The following PKHD1L1 variants were observed in gnomAD, a reference collection of about 807,000 sequenced individuals.
PKHD1L1 encodes the protein fibrocystin-L.
PKHD1L1 carries 434 observed loss-of-function variants against 462.9 expected under a neutral mutation model. The ratio of observed to expected loss-of-function variants is 0.94; its 90% confidence interval spans 0.87 to 1.02. PKHD1L1 has a LOEUF of 1.02. PKHD1L1 is among the 50% of genes least tolerant of loss of function. PKHD1L1 has a pLI of 0.00. For synonymous variants in PKHD1L1, 1,781 were observed against 1,750.0 expected, an observed-to-expected ratio of 1.02 and a Z score of -0.44; for missense variants, 5,202 against 5,096.1, an observed-to-expected ratio of 1.02 and a Z score of -0.63.
chr8:109,411,591 G>A (rs73319415), intron 19 of PKHD1L1, among the ~76,000 whole-genome samples: 5,229 of 152,114 alleles, frequency 0.034, 314 homozygotes, highest in African/African-American at 0.12. Context: ...ACCCTCACAT[G>A]CATTTCCATG....
At position 109,510,796 on chromosome 8, in the gene PKHD1L1, G is replaced by A; in HGVS notation, c.11415G>A (p.Trp3805Ter). Residue 3805 changes from tryptophan (W) to a stop codon, truncating the protein, a stop_gained, in exon 71 of 78, where the codon TGG becomes TGA. Transcript: ENST00000378402. LOFTEE classifies it high-confidence loss of function. ...DLINGPQDHG[W>*]CAGYTCQRRL... Reference sequence around the variant, plus strand: ...ATTTAGGCCCACAGGATCATGGCTGGTGTGCTGGATATACATGCCAGAGAA... The same window carrying A: ...ATTTAGGCCCACAGGATCATGGCTGATGTGCTGGATATACATGCCAGAGAA... The A allele has an allele frequency of 6.2e-7, 1 of 1,613,082 alleles. No individual in the cohort carries two copies. The highest frequency in any genetic ancestry group is 1.1e-5 in the South Asian group (1 of 91,026).
rs778298089 is a variant in PKHD1L1 at position 109,443,708 on chromosome 8, G to A, written c.4597G>A (p.Val1533Met). Residue 1533 changes from valine to methionine, a missense_variant, in exon 37 of 78, where the codon GTG (valine) becomes ATG (methionine). Val to Met is a conservative substitution (Grantham distance 21, BLOSUM62 1). This residue lies in a region of PKHD1L1 where 4,497 missense variants were observed against 4,336.8 expected (regional missense o/e 1.04). Transcript: ENST00000378402. ...GPENLHLGSSVAGCLATEPLC... is the reference protein window; with the variant it reads ...GPENLHLGSSMAGCLATEPLC... ...TGAGAATTTGCACTTGGGAAGCTCT[G>A]TGGCAGGCTGCCTAGCAACAGAACC... is the stretch of plus-strand genomic sequence containing the variant. The A allele has an allele frequency of 1.8e-5, 29 of 1,613,324 alleles. No homozygotes were observed. In the African/African-American group the frequency reaches 3.7e-4, roughly 21 times the overall value.
chr8:109,428,632 T>TTGG (rs1814911144), intron 25 of PKHD1L1, among the ~76,000 whole-genome samples: 2 of 152,190 alleles, frequency 1.3e-5, no homozygotes, highest in Non-Finnish European at 2.9e-5. Context: ...CTGACCTCCC[T>TTGG]TGGTGTCTCT....
intron 42 of PKHD1L1, 26 bp from the exon 43 acceptor site, chr8:109,452,692 T>G (rs1816600264): frequency 7.3e-7 from 1 of 1,361,578 alleles, no homozygotes; most frequent in African/African-American, 1.5e-5. Flanking sequence ...TCCCTAAATT[T>G]TAAGGTCTCT....
chr8:109,376,488 G>T (rs1307259255), intron 2 of PKHD1L1, among the ~76,000 whole-genome samples: 3 of 152,156 alleles, frequency 2.0e-5, no homozygotes, highest in Non-Finnish European at 4.4e-5. Context: ...CTCACTCACA[G>T]TGCGCTGCAC....
At chr8:109,423,221 T>C (rs1018486341) in intron 23 of PKHD1L1, among the ~76,000 whole-genome samples, 4 of 152,100 alleles carry the variant, frequency 2.6e-5, no homozygotes, top group Non-Finnish European at 4.4e-5. Context: ...TACTTAGCTC[T>C]AGGTCCTGAG....
chr8:109,447,399 C>A (rs1165998193), intron 38 of PKHD1L1, among the ~76,000 whole-genome samples: 1 of 152,096 alleles, frequency 6.6e-6, no homozygotes, highest in Admixed American at 6.5e-5. Context: ...TACTTGAGGG[C>A]ACTGCGTTTG....
chr8:109,423,462 A>G (rs1814578892), intron 23 of PKHD1L1, among the ~76,000 whole-genome samples: 1 of 152,080 alleles, frequency 6.6e-6, no homozygotes, highest in South Asian at 2.1e-4. Flanking sequence ...TGAGTTTTCT[A>G]TTCTTTCCAT....
intron 77 of PKHD1L1, 57 bp downstream of exon 77, chr8:109,527,077 T>C: frequency 7.1e-7 from 1 of 1,409,710 alleles, no homozygotes; most frequent in Non-Finnish European, 9.8e-7. Context: ...CAGTGTTTAC[T>C]GGATAAAGGC....
chr8:109,430,398 T>C (rs1436763441), intron 27 of PKHD1L1, among the ~76,000 whole-genome samples: 2 of 152,136 alleles, frequency 1.3e-5, no homozygotes, highest in Non-Finnish European at 2.9e-5. Context: ...AGTCTTTTAT[T>C]CTATGAGACC....
In PKHD1L1 at chr8:109,362,542, G is replaced by A. The variant is rs1811030338; in HGVS notation, c.-39G>A. 1.3e-6 allele frequency: 2 copies of A among 1,550,480 alleles called. No individual in the cohort carries two copies. Among genetic ancestry groups the A allele is most frequent in the Non-Finnish European group, 8.8e-7 (1 of 1,139,804 alleles). On this transcript the variant is annotated 5_prime_UTR_variant, in exon 1 of 78. Coordinates refer to ENST00000378402, the MANE Select transcript of PKHD1L1 (RefSeq NM_177531.6). ...CCGAGCTCCAGCACTAGAGCCAGCT[G>A]CGAGCGGAGGGCACCAACTCCGCAG... is the stretch of plus-strand genomic sequence containing the variant.
rs1392559619 is a variant in PKHD1L1, at chr8:109,454,885, G to A, written c.6874+33G>A. The A allele has an allele frequency of 4.4e-6, 7 of 1,589,904 alleles. No individual in the cohort carries two copies. The South Asian group carries it at 7.9e-5, about 18-fold the overall frequency. ...GGCCAAGTGGCTAAGGGAGTTGGTA[G>A]AGGAAGACTCACCAGGACACCAGGG... On this transcript the variant is annotated intron_variant, in intron 45 of 77. Transcript: ENST00000378402.
intron 11 of PKHD1L1, among the ~76,000 whole-genome samples, chr8:109,397,087 C>G (rs1449002836): frequency 6.6e-6 from 1 of 151,852 alleles, no homozygotes. Context: ...ACATTAAAAC[C>G]AGGGCCATAA....
chr8:109,407,351 C>A (rs933083038), intron 17 of PKHD1L1, among the ~76,000 whole-genome samples: 4 of 152,002 alleles, frequency 2.6e-5, no homozygotes, highest in Non-Finnish European at 4.4e-5. Context: ...TATGGATATC[C>A]TTTTTGATGT....
At chr8:109,386,180 A>T (rs1289285880) in intron 6 of PKHD1L1, among the ~76,000 whole-genome samples, 1 of 152,216 alleles carries the variant, frequency 6.6e-6, no homozygotes, top group African/African-American at 2.4e-5. Flanking sequence ...CTAGATAGTA[A>T]CCTTGGCTAG....
chr8:109,373,388 T>C (rs890201521), intron 2 of PKHD1L1, among the ~76,000 whole-genome samples: 1 of 152,190 alleles, frequency 6.6e-6, no homozygotes, highest in Non-Finnish European at 1.5e-5. Flanking sequence ...ATTTGATTCT[T>C]CTCTCTTTTC....
In PKHD1L1 at chr8:109,420,521, T is replaced by G. The variant is rs1265922751; in HGVS notation, c.2528T>G (p.Met843Arg). 1 of 1,564,972 alleles carries G rather than the reference T, an allele frequency of 6.4e-7. No individual in the cohort carries two copies. The change falls in exon 23 of 78, where the codon ATG becomes AGG. Residue 843 changes from methionine to arginine, a missense_variant. Met to Arg is a moderately conservative substitution (Grantham distance 91, BLOSUM62 -1). This residue lies in a region of PKHD1L1 where 4,497 missense variants were observed against 4,336.8 expected (regional missense o/e 1.04). Coordinates refer to ENST00000378402, the MANE Select transcript of PKHD1L1 (RefSeq NM_177531.6). ...HTSTISTLDE[M>R]PKRRLPALAN... ...TATTTTTATTTATATTCTTTAGAAA[T>G]GCCCAAGAGAAGACTTCCTGCATTA...
intron 62 of PKHD1L1, among the ~76,000 whole-genome samples, chr8:109,492,656 T>C (rs1475494666): frequency 6.6e-6 from 1 of 151,938 alleles, no homozygotes; most frequent in Non-Finnish European, 1.5e-5. Context: ...ATTCTCTTTT[T>C]ATCTGTTTAT....
intron 24 of PKHD1L1, 49 bp from the exon 25 acceptor site, chr8:109,426,953 C>T (rs755303284): frequency 2.9e-5 from 31 of 1,061,778 alleles, no homozygotes; most frequent in Non-Finnish European, 4.4e-5. Context: ...ACATCCGGCC[C>T]GTTTGTGAAT....
Sources: allele counts gnomAD v4.1 joint callset (sites outside exome capture counted in the v4.1 genomes callset), GRCh38; gene constraint gnomAD v4.1.1; regional missense constraint gnomAD v4.1.1; transcripts MANE v1.5; gene names NCBI Gene and HGNC (gene_info 2026-07-23, HGNC 2026-07-21).